The following PPARGC1B variants were observed in gnomAD, a reference collection of about 807,000 sequenced individuals.
The protein encoded by PPARGC1B is peroxisome proliferator-activated receptor gamma coactivator 1-beta.
A neutral mutation model predicts 101.6 loss-of-function variants in PPARGC1B; 34 were observed. That is an observed-to-expected ratio of 0.33 (90% CI 0.25 to 0.45). PPARGC1B has a LOEUF of 0.45. PPARGC1B is among the 20% of genes least tolerant of loss of function. The pLI, the probability that PPARGC1B is intolerant of heterozygous loss-of-function variation, is 1.00. For missense variants in PPARGC1B, 1,234 were observed against 1,317.6 expected (o/e 0.94, Z 0.98); for synonymous variants, 548 against 539.3 (o/e 1.02, Z -0.22).
intron 1 of PPARGC1B, among the ~76,000 whole-genome samples, chr5:149,776,615 T>C (rs1017821411): frequency 2.6e-5 from 4 of 152,182 alleles, no homozygotes; most frequent in East Asian, 1.9e-4. Context: ...TTGATGAGAG[T>C]TGGGTGGGTC....
At chr5:149,813,974 C>T (rs1054061948) in intron 1 of PPARGC1B, among the ~76,000 whole-genome samples, 15 of 152,282 alleles carry the variant, frequency 9.9e-5, no homozygotes, top group African/African-American at 2.9e-4. Flanking sequence ...CCAGAGGCCT[C>T]GCCTCCTCAT....
chr5:149,836,836 A>ACAGCAG lies in PPARGC1B; in HGVS notation c.2392_2397dup (p.Ser798_Ser799dup), dbSNP rs746024586. The stretch of plus-strand genomic sequence containing the variant: ...CCTGAGTATGACACTGTCTTTGAAG[A>ACAGCAG]CAGCAGCAGCAGCAGCGGCGAGAGC... On this transcript the variant is annotated inframe_insertion, in exon 8 of 12. Transcript: ENST00000309241. The ACAGCAG allele has an allele frequency of 1.4e-5, 22 of 1,613,062 alleles. No individual in the cohort carries two copies. The South Asian group carries it at 2.4e-4, about 18-fold the overall frequency.
intron 2 of PPARGC1B, 51 bp from the exon 3 acceptor site, chr5:149,826,622 C>T: frequency 7.0e-7 from 1 of 1,424,286 alleles, no homozygotes; most frequent in Non-Finnish European, 9.9e-7. Flanking sequence ...AAGGTGGTGA[C>T]TAACCATCTC....
intron 1 of PPARGC1B, among the ~76,000 whole-genome samples, chr5:149,766,791 C>T (rs1026084990): frequency 6.6e-6 from 1 of 152,242 alleles, no homozygotes; most frequent in African/African-American, 2.4e-5. Context: ...CCCTCCTCCT[C>T]ACTGCTCCCT....
chr5:149,826,051 G>A (rs189361018), intron 2 of PPARGC1B, among the ~76,000 whole-genome samples: 1 of 152,338 alleles, frequency 6.6e-6, no homozygotes, highest in Non-Finnish European at 1.5e-5. Flanking sequence ...AAGCTAACTT[G>A]CCTGAGAGCC....
chr5:149,784,560 CTTTTTT>C (rs72364863), intron 1 of PPARGC1B, among the ~76,000 whole-genome samples: 4 of 75,714 alleles, frequency 5.3e-5, no homozygotes, highest in Admixed American at 4.0e-4. Context: ...AACTGAGTTT[CTTTTTT>C]TTTTTTTTTT....
chr5:149,776,124 C>T (rs1404677330), intron 1 of PPARGC1B, among the ~76,000 whole-genome samples: 1 of 151,128 alleles, frequency 6.6e-6, no homozygotes, highest in African/African-American at 2.4e-5. Flanking sequence ...AAGTATGTTT[C>T]TTTTTGAACC....
At chr5:149,758,678 G>T (rs951751614) in intron 1 of PPARGC1B, among the ~76,000 whole-genome samples, 1 of 152,210 alleles carries the variant, frequency 6.6e-6, no homozygotes, top group African/African-American at 2.4e-5. Context: ...GATTCCAAGA[G>T]GGCTGAGGCC....
chr5:149,828,558 G>A (rs1392520539), intron 3 of PPARGC1B, among the ~76,000 whole-genome samples: 3 of 152,182 alleles, frequency 2.0e-5, no homozygotes, highest in African/African-American at 4.8e-5. Flanking sequence ...ATTTCTTCAC[G>A]GGGCCTTTGG....
chr5:149,796,099 A>G (rs1490987823), intron 1 of PPARGC1B, among the ~76,000 whole-genome samples: 1 of 152,150 alleles, frequency 6.6e-6, no homozygotes, highest in African/African-American at 2.4e-5. Flanking sequence ...TCTGGACAGA[A>G]CTAACAAGGC....
Position 149,814,495 on chromosome 5 carries a change from G to A in PPARGC1B, c.79-5938G>A, listed in dbSNP as rs111418682. On this transcript the variant is annotated intron_variant, in intron 1 of 11. Coordinates refer to ENST00000309241, the MANE Select transcript of PPARGC1B (RefSeq NM_133263.4). ...GAGGGGTCAGTGAGGACCAGAGGGG[G>A]GAGGTGACCCAATGAAGGACGCATA... Among the ~76,000 whole-genome samples the A allele has an allele frequency of 4.7e-3, 716 of 152,242 alleles. 9 individuals are homozygous for A. Among genetic ancestry groups the A allele is most frequent in the African/African-American group, 0.016 (681 of 41,546 alleles).
At chr5:149,794,524 GCACACA>G (rs35484083) in intron 1 of PPARGC1B, among the ~76,000 whole-genome samples, 4,052 of 143,560 alleles carry the variant, frequency 0.028, 69 homozygotes, top group African/African-American at 0.034. Flanking sequence ...ATGTGAGCGT[GCACACA>G]CACACACACA....
intron 1 of PPARGC1B, among the ~76,000 whole-genome samples, chr5:149,770,025 C>A (rs562216706): frequency 1.3e-5 from 2 of 152,314 alleles, no homozygotes; most frequent in South Asian, 4.2e-4. Context: ...TGTGGGGGAC[C>A]TTATGCTGCC....
At chr5:149,855,990 G>A (rs140907583), downstream of PPARGC1B, among the ~76,000 whole-genome samples, 8 of 151,982 alleles carry the variant, frequency 5.3e-5, no homozygotes, top group East Asian at 3.9e-4. Context: ...GGTGAGGGGC[G>A]CCTGTAATCC....
chr5:149,742,875 A>T (rs1247120525), intron 1 of PPARGC1B, among the ~76,000 whole-genome samples: 2 of 152,094 alleles, frequency 1.3e-5, no homozygotes, highest in Non-Finnish European at 2.9e-5. Context: ...GTGTAACAGG[A>T]GGCATCTTTG....
chr5:149,769,450 G>A (rs1301401942), intron 1 of PPARGC1B, among the ~76,000 whole-genome samples: 4 of 152,204 alleles, frequency 2.6e-5, no homozygotes, highest in East Asian at 1.9e-4. Flanking sequence ...CAGGAGGCAC[G>A]TTCCCACTGA....
In PPARGC1B at chr5:149,852,595, C is replaced by A. The variant is rs569134677; in HGVS notation, c.*5037C>A. 2 of 152,236 alleles carry A rather than the reference C, an allele frequency of 1.3e-5. No homozygotes were observed. The highest frequency in any genetic ancestry group is 4.1e-4 in the South Asian group (2 of 4,826). The allele number at this position is 152,236 out of a possible 1,614,324, so 9.4% of individuals were successfully genotyped here. ...TTAAACCCCCAACTTGGCTAGGTAA[C>A]GATGTCAAATCTCACATTAACCTTG... On this transcript the variant is annotated 3_prime_UTR_variant, in exon 12 of 12. Transcript: ENST00000309241.
At chr5:149,763,403 T>C (rs1581025617) in intron 1 of PPARGC1B, among the ~76,000 whole-genome samples, 1 of 150,716 alleles carries the variant, frequency 6.6e-6, no homozygotes, top group South Asian at 2.1e-4. Flanking sequence ...CAGGGGGAGG[T>C]GTTTGGAGTC....
At chr5:149,799,003 T>C (rs749191701) in intron 1 of PPARGC1B, among the ~76,000 whole-genome samples, 2 of 151,362 alleles carry the variant, frequency 1.3e-5, no homozygotes, top group Non-Finnish European at 3.0e-5. Flanking sequence ...AGAGGTGAGA[T>C]AGGACATTTG....
Sources: allele counts gnomAD v4.1 joint callset (sites outside exome capture counted in the v4.1 genomes callset), GRCh38; gene constraint gnomAD v4.1.1; transcripts MANE v1.5; gene names NCBI Gene and HGNC (gene_info 2026-07-23, HGNC 2026-07-21).